Variants in CMTM8 observed in about 807,000 individuals in gnomAD.
The protein encoded by CMTM8 is CKLF like MARVEL transmembrane domain containing 8, also known as CKLF-like MARVEL transmembrane domain-containing protein 8.
A neutral mutation model predicts 18.6 loss-of-function variants in CMTM8; 12 were observed. The observed-to-expected ratio is 0.65, with a 90% CI of 0.41 to 1.05. The LOEUF (loss-of-function observed/expected upper bound fraction) is 1.05, where lower values mean the gene tolerates loss of function less well. CMTM8 is among the 50% of genes least tolerant of loss of function. The pLI is 0.00. For synonymous variants in CMTM8, 87 were observed against 90.6 expected (o/e 0.96, Z 0.23); for missense variants, 217 against 227.2 (o/e 0.95, Z 0.29).
intron 1 of CMTM8, among the ~76,000 whole-genome samples, chr3:32,302,580 A>G (rs1323944213): frequency 6.6e-6 from 1 of 152,238 alleles, no homozygotes; most frequent in African/African-American, 2.4e-5. Context: ...AGATGGAAGT[A>G]GAAGAGAAGG....
chr3:32,348,529 C>CTTTTTTTTTTTTTTTT (rs56252781), intron 1 of CMTM8, among the ~76,000 whole-genome samples: 9 of 102,046 alleles, frequency 8.8e-5, no homozygotes, highest in South Asian at 8.1e-4. Flanking sequence ...CTTCCTGGAA[C>CTTTTTTTTTTTTTTTT]TTTTTTTTTT....
intron 1 of CMTM8, among the ~76,000 whole-genome samples, chr3:32,337,046 C>A (rs1284515017): frequency 6.6e-6 from 1 of 152,120 alleles, no homozygotes; most frequent in East Asian, 1.9e-4. Flanking sequence ...GACAGCCAGA[C>A]TGACTTTTAA....
chr3:32,301,128 G>C (rs1301646176), intron 1 of CMTM8, among the ~76,000 whole-genome samples: 1 of 152,134 alleles, frequency 6.6e-6, no homozygotes, highest in Non-Finnish European at 1.5e-5. Flanking sequence ...AGCATCAGGG[G>C]TACTGCTATA....
chr3:32,352,555 T>C (rs1177086833), intron 1 of CMTM8, among the ~76,000 whole-genome samples: 6 of 152,196 alleles, frequency 3.9e-5, no homozygotes, highest in Non-Finnish European at 5.9e-5. Context: ...ACCTTCGGTA[T>C]TGCAGATGAC....
At chr3:32,359,515 A>C (rs1696880945) in intron 2 of CMTM8, among the ~76,000 whole-genome samples, 1 of 152,146 alleles carries the variant, frequency 6.6e-6, no homozygotes, top group South Asian at 2.1e-4. Flanking sequence ...GCTCGAACCC[A>C]GGAGACGGAG....
Position 32,239,320 on chromosome 3 carries a change from GT to G in CMTM8, c.147+202del, listed in dbSNP as rs1701914247. The stretch of plus-strand genomic sequence containing the variant: ...CGGGCTGTCCTGGGAAGAAAGGGTT[GT>G]GATCCTCAGGATGTCTTGCTGTGGG... On this transcript the variant is annotated intron_variant, in intron 1 of 3. Transcript: ENST00000307526. Among the ~76,000 whole-genome samples, 3 of 152,234 alleles carry G rather than the reference GT, an allele frequency of 2.0e-5. No homozygotes were observed. The South Asian group carries it at 6.2e-4, about 32-fold the overall frequency.
intron 1 of CMTM8, among the ~76,000 whole-genome samples, chr3:32,278,753 T>C (rs1420228265): frequency 6.6e-6 from 1 of 152,224 alleles, no homozygotes; most frequent in African/African-American, 2.4e-5. Flanking sequence ...TTTATATACT[T>C]GATGCCCAGA....
intron 1 of CMTM8, among the ~76,000 whole-genome samples, chr3:32,340,879 C>T (rs1394443382): frequency 3.3e-5 from 5 of 152,224 alleles, no homozygotes; most frequent in African/African-American, 1.2e-4. Flanking sequence ...CACCTTTGTA[C>T]CCTGGGCACT....
chr3:32,308,374 T>C (rs2125567626), intron 1 of CMTM8, among the ~76,000 whole-genome samples: 1 of 152,318 alleles, frequency 6.6e-6, no homozygotes, highest in African/African-American at 2.4e-5. Context: ...GAAGTCCCCC[T>C]CCATATGTCT....
At chr3:32,248,027 G>A (rs1005501179) in intron 1 of CMTM8, among the ~76,000 whole-genome samples, 1 of 152,124 alleles carries the variant, frequency 6.6e-6, no homozygotes, top group Non-Finnish European at 1.5e-5. Flanking sequence ...GGTCATCCCT[G>A]TTGTAGTATG....
At chr3:32,338,140 C>T (rs1696423316) in intron 1 of CMTM8, among the ~76,000 whole-genome samples, 2 of 152,042 alleles carry the variant, frequency 1.3e-5, no homozygotes, top group Admixed American at 6.6e-5. Context: ...TGTGCCACCA[C>T]GCCCAGCTAA....
chr3:32,258,274 C>T (rs1366032315), intron 1 of CMTM8, among the ~76,000 whole-genome samples: 1 of 152,136 alleles, frequency 6.6e-6, no homozygotes, highest in African/African-American at 2.4e-5. Context: ...CTCCAGACTG[C>T]TGTTGCTGCT....
chr3:32,368,138 C>T, intron 3 of CMTM8, 150 bp downstream of exon 3: 1 of 638,024 alleles, frequency 1.6e-6, no homozygotes, highest in Non-Finnish European at 2.8e-6. Context: ...ATATCTAAAA[C>T]TGGCAGGGGG....
At chr3:32,353,058 A>G (rs1696744601) in intron 1 of CMTM8, among the ~76,000 whole-genome samples, 1 of 152,150 alleles carries the variant, frequency 6.6e-6, no homozygotes, top group African/African-American at 2.4e-5. Flanking sequence ...TAGTGGTGCA[A>G]TCTCAGCTCA....
chr3:32,269,295 T>C (rs2125542641), intron 1 of CMTM8, among the ~76,000 whole-genome samples: 1 of 152,314 alleles, frequency 6.6e-6, no homozygotes, highest in East Asian at 1.9e-4. Flanking sequence ...GGGAGAGAGA[T>C]GTTTGAAGAG....
chr3:32,276,371 A>ATTGTTTTTATTCTCATTGTGC (rs1234408706), intron 1 of CMTM8, among the ~76,000 whole-genome samples: 3 of 152,044 alleles, frequency 2.0e-5, no homozygotes, highest in Non-Finnish European at 4.4e-5. Context: ...CTGTAACATG[A>ATTGTTTTTATTCTCATTGTGC]TTGTTTTTAT....
At chr3:32,308,103 T>G (rs1043561852) in intron 1 of CMTM8, among the ~76,000 whole-genome samples, 14 of 152,272 alleles carry the variant, frequency 9.2e-5, no homozygotes, top group African/African-American at 2.6e-4. Context: ...ACCATTTAAT[T>G]GTTATCATAA....
chr3:32,280,791 C>G (rs1028373952), intron 1 of CMTM8, among the ~76,000 whole-genome samples: 2 of 145,046 alleles, frequency 1.4e-5, no homozygotes, highest in African/African-American at 5.2e-5. Flanking sequence ...GTGGAGTCGA[C>G]CCTACTCAAA....
In CMTM8 at chr3:32,369,788, G is replaced by GGTA; in HGVS notation, c.439-93_439-91dup. The GGTA allele has an allele frequency of 4.5e-6, 3 of 662,912 alleles. No individual in the cohort carries two copies. The South Asian group carries it at 6.9e-5, about 15-fold the overall frequency. The allele number at this position is 662,912 out of a possible 1,614,324, so 41.1% of individuals were successfully genotyped here. A position where few individuals can be genotyped will look rare whatever the true frequency, so the allele number is the denominator to read the frequency against. On this transcript the variant is annotated intron_variant, in intron 3 of 3. Coordinates refer to ENST00000307526, the MANE Select transcript of CMTM8 (RefSeq NM_178868.5). ...ATGGCAAAGCCTGGTATCAAGAAAAGGTAGTGAGTGGGTGATTCAATGGAG... is the reference window on the plus strand; with the variant it reads ...ATGGCAAAGCCTGGTATCAAGAAAAGGTAGTAGTGAGTGGGTGATTCAATGGAG...
Sources: gnomAD v4.1 joint callset for allele counts (sites outside exome capture counted in the v4.1 genomes callset) on GRCh38, gnomAD v4.1.1 for gene constraint, MANE v1.5 for transcripts, NCBI Gene and HGNC (gene_info 2026-07-23, HGNC 2026-07-21) for gene names.